Variants in LRMDA observed in about 807,000 individuals in gnomAD.
The protein encoded by LRMDA is leucine-rich melanocyte differentiation-associated protein.
LRMDA carries 18 observed loss-of-function variants against 29.8 expected under a neutral mutation model. The ratio of observed to expected loss-of-function variants is 0.60; its 90% CI spans 0.42 to 0.90. The LOEUF (loss-of-function observed/expected upper bound fraction) is 0.90. LRMDA is among the 40% of genes least tolerant of loss of function. The probability of loss-of-function intolerance (pLI) is 0.00; values close to 1 mark genes in which losing one functional copy is unlikely to be tolerated. For missense variants in LRMDA, 273 were observed against 273.9 expected, an observed-to-expected ratio of 1.00 and a Z score of 0.02; for synonymous variants, 125 against 109.4, an observed-to-expected ratio of 1.14 and a Z score of -0.89.
intron 2 of LRMDA, among the ~76,000 whole-genome samples, chr10:75,585,166 C>T (rs1055125981): frequency 1.3e-5 from 2 of 152,210 alleles, no homozygotes; most frequent in African/African-American, 4.8e-5. Context: ...TTTCTCTCAC[C>T]AAGGGCAGCT....
intron 2 of LRMDA, among the ~76,000 whole-genome samples, chr10:75,664,396 T>G (rs1244190600): frequency 6.6e-6 from 1 of 152,222 alleles, no homozygotes; most frequent in Non-Finnish European, 1.5e-5. Context: ...ACCAACTGTA[T>G]GCCAGGCAAT....
chr10:76,383,373 C>T (rs1486564791), intron 6 of LRMDA, among the ~76,000 whole-genome samples: 3 of 151,156 alleles, frequency 2.0e-5, no homozygotes, highest in African/African-American at 2.4e-5. Context: ...ACTCCAGACA[C>T]AGTGGTTACC....
chr10:76,035,077 C>G (rs1335204523), intron 2 of LRMDA, among the ~76,000 whole-genome samples: 1 of 151,508 alleles, frequency 6.6e-6, no homozygotes, highest in African/African-American at 2.4e-5. Flanking sequence ...ATAAGCAAGG[C>G]TATTTTTCCC....
intron 2 of LRMDA, among the ~76,000 whole-genome samples, chr10:75,813,308 G>A (rs892459717): frequency 2.6e-5 from 4 of 152,208 alleles, no homozygotes; most frequent in Admixed American, 1.3e-4. Context: ...GTTGCTTCCA[G>A]TGCCGACCCA....
chr10:76,045,368 TGG>T (rs1333820466), intron 3 of LRMDA, among the ~76,000 whole-genome samples: 49 of 149,058 alleles, frequency 3.3e-4, no homozygotes, highest in African/African-American at 1.1e-3. Context: ...TTTCTCCCTC[TGG>T]TTAGTTTCCT....
chr10:75,710,585 C>T (rs1842423879), intron 2 of LRMDA, among the ~76,000 whole-genome samples: 1 of 152,158 alleles, frequency 6.6e-6, no homozygotes, highest in Non-Finnish European at 1.5e-5. Flanking sequence ...GCAGAGGAGA[C>T]TTTTTGCTGC....
At chr10:76,517,908 C>A in intron 6 of LRMDA, among the ~76,000 whole-genome samples, 1 of 140,918 alleles carries the variant, frequency 7.1e-6, no homozygotes, top group African/African-American at 2.6e-5. Flanking sequence ...AAATCCCAAC[C>A]TAGTGAAGCA....
intron 5 of LRMDA, among the ~76,000 whole-genome samples, chr10:76,320,702 T>C (rs1413043008): frequency 6.6e-6 from 1 of 152,188 alleles, no homozygotes; most frequent in Admixed American, 6.5e-5. Context: ...TCATCCAGAA[T>C]TTGTGGTTTC....
intron 2 of LRMDA, among the ~76,000 whole-genome samples, chr10:75,551,700 A>G (rs1361274944): frequency 6.6e-6 from 1 of 152,132 alleles, no homozygotes; most frequent in Non-Finnish European, 1.5e-5. Context: ...TCCATGGTGT[A>G]TACGTGCCAC....
intron 5 of LRMDA, among the ~76,000 whole-genome samples, chr10:76,086,450 A>G (rs1423181070): frequency 2.0e-5 from 3 of 152,166 alleles, no homozygotes; most frequent in East Asian, 3.9e-4. Context: ...TCCACTGAGA[A>G]TGTTCTTCAT....
chr10:76,003,260 A>G (rs926825583), intron 2 of LRMDA, among the ~76,000 whole-genome samples: 1 of 152,188 alleles, frequency 6.6e-6, no homozygotes, highest in African/African-American at 2.4e-5. Flanking sequence ...ATCAGAGGCC[A>G]TGAGTAGTCT....
intron 6 of LRMDA, among the ~76,000 whole-genome samples, chr10:76,381,562 A>G (rs1589159286): frequency 2.6e-5 from 4 of 152,228 alleles, no homozygotes; most frequent in Admixed American, 2.6e-4. Context: ...TCCCTTTCTT[A>G]TCACTAACTA....
intron 2 of LRMDA, among the ~76,000 whole-genome samples, chr10:75,818,515 AT>A (rs998916982): frequency 6.6e-6 from 1 of 152,176 alleles, no homozygotes; most frequent in African/African-American, 2.4e-5. Flanking sequence ...TCTTATTTGA[AT>A]TTTAGAATCA....
intron 2 of LRMDA, among the ~76,000 whole-genome samples, chr10:75,500,580 A>G (rs1312708426): frequency 6.6e-6 from 1 of 152,198 alleles, no homozygotes. Context: ...CACTGCTACA[A>G]AAAAAGATGC....
chr10:76,340,492 G>A (rs1012629902), intron 6 of LRMDA, among the ~76,000 whole-genome samples: 17 of 123,156 alleles, frequency 1.4e-4, no homozygotes, highest in South Asian at 8.3e-4. Flanking sequence ...CTCCAGACTA[G>A]GTGACAGAGT....
chr10:76,275,726 T>A (rs530028796), intron 5 of LRMDA, among the ~76,000 whole-genome samples: 3 of 152,264 alleles, frequency 2.0e-5, no homozygotes, highest in Non-Finnish European at 4.4e-5. Flanking sequence ...TATTTGTAGT[T>A]GGCTGAGGTT....
At chr10:76,182,290 T>A (rs1851063743) in intron 5 of LRMDA, among the ~76,000 whole-genome samples, 1 of 152,058 alleles carries the variant, frequency 6.6e-6, no homozygotes, top group Non-Finnish European at 1.5e-5. Flanking sequence ...GAGAACTCCC[T>A]CACTATCATG....
At chr10:75,664,003 T>C (rs1370179503) in intron 2 of LRMDA, among the ~76,000 whole-genome samples, 5 of 152,286 alleles carry the variant, frequency 3.3e-5, no homozygotes, top group African/African-American at 1.2e-4. Flanking sequence ...CTGTCTCTTC[T>C]CAGGAACTCT....
chr10:76,362,100 C>T (rs1841319768), intron 6 of LRMDA, among the ~76,000 whole-genome samples: 1 of 152,182 alleles, frequency 6.6e-6, no homozygotes, highest in Non-Finnish European at 1.5e-5. Context: ...AGGCTTGCTC[C>T]AGCAAACCCA....
Sources: allele counts gnomAD v4.1 joint callset (sites outside exome capture counted in the v4.1 genomes callset), GRCh38; gene constraint gnomAD v4.1.1; transcripts MANE v1.5; gene names NCBI Gene and HGNC (gene_info 2026-07-23, HGNC 2026-07-21).